The following AP5M1 variants were observed in gnomAD, a reference collection of about 807,000 sequenced individuals.
AP5M1 encodes adaptor related protein complex 5 subunit mu 1, also known as AP-5 complex subunit mu-1.
A neutral mutation model predicts 52.3 loss-of-function variants in AP5M1; 44 were observed. That is an observed-to-expected ratio of 0.84 (90% confidence interval 0.66 to 1.08). The LOEUF (loss-of-function observed/expected upper bound fraction) is 1.08, where lower values mean the gene tolerates loss of function less well. Ranked by LOEUF, AP5M1 falls within the 50% of genes least tolerant of loss-of-function variation. AP5M1 has a pLI of 0.00. For missense variants in AP5M1, 526 were observed against 568.4 expected (o/e 0.93, Z 0.76); for synonymous variants, 213 against 199.0 (o/e 1.07, Z -0.59).
At chr14:57,281,145 A>G (rs1049227581) in intron 3 of AP5M1, among the ~76,000 whole-genome samples, 1 of 152,064 alleles carries the variant, frequency 6.6e-6, no homozygotes, top group Non-Finnish European at 1.5e-5. Flanking sequence ...CTTTACATGT[A>G]TTTTCTCTAG....
Position 57,269,108 on chromosome 14 carries a change from T to G in AP5M1, c.-207T>G, listed in dbSNP as rs1242067983. 5.1e-6 allele frequency: 3 copies of G among 587,508 alleles called. No individual in the cohort carries two copies. The Admixed American group carries it at 9.9e-5, about 19-fold the overall frequency. 36.4% of individuals were successfully genotyped at this position (587,508 alleles called of 1,614,324 possible). On this transcript the variant is annotated 5_prime_UTR_variant, in exon 1 of 8. Transcript: ENST00000261558. ...GGTTATAGGTTGGGGTTCTTAGAAC[T>G]TTTTGTGGTGTGTGTTGGCCTAGAG...
intron 2 of AP5M1, among the ~76,000 whole-genome samples, chr14:57,275,766 T>C (rs761484371): frequency 4.0e-4 from 61 of 152,338 alleles, no homozygotes; most frequent in Non-Finnish European, 2.9e-4. Flanking sequence ...TAGGTTAATA[T>C]TGGGTTCTCT....
At chr14:57,275,955 C>CT (rs1885024901) in intron 2 of AP5M1, among the ~76,000 whole-genome samples, 1 of 152,046 alleles carries the variant, frequency 6.6e-6, no homozygotes, top group Non-Finnish European at 1.5e-5. Flanking sequence ...GTTACGTATA[C>CT]TTTTTATATG....
intron 6 of AP5M1, among the ~76,000 whole-genome samples, chr14:57,284,242 A>G (rs1265119889): frequency 2.0e-5 from 3 of 152,224 alleles, no homozygotes; most frequent in Non-Finnish European, 4.4e-5. Flanking sequence ...AAATTACTTA[A>G]AAGAGTAAAG....
Position 57,286,255 on chromosome 14 carries a change from TG to T in AP5M1, c.1328del (p.Gly443AspfsTer19). 1.2e-6 allele frequency: 2 copies of T among 1,612,712 alleles called. No individual in the cohort carries two copies. Among genetic ancestry groups the T allele is most frequent in the Non-Finnish European group, 1.7e-6 (2 of 1,178,988 alleles). Reference sequence around the variant, plus strand: ...TTAGGATCTTAGATTACACACTTACTGGATGTTATGCAGATCAGCATTCAGT... The same window carrying T: ...TTAGGATCTTAGATTACACACTTACTGATGTTATGCAGATCAGCATTCAGT... ...HFRILDYTLT[G>X]CYADQHSVQV... On this transcript the variant is annotated frameshift_variant, in exon 7 of 8. Coordinates refer to ENST00000261558, the MANE Select transcript of AP5M1 (RefSeq NM_018229.4). LOFTEE classifies it high-confidence loss of function.
rs1463095386 is a variant in AP5M1 at position 57,280,117 on chromosome 14, CTTTGAT to C, written c.721-77_721-72del. On this transcript the variant is annotated intron_variant, in intron 2 of 7. Coordinates refer to ENST00000261558, the MANE Select transcript of AP5M1 (RefSeq NM_018229.4). ...AAAGTGAGTTAATTGGGGAAAATGA[CTTTGAT>C]AAATTTTGAAAAGCCTCAAACAGAC... 1.8e-5 allele frequency: 19 copies of C among 1,039,386 alleles called. No homozygotes were observed. The Admixed American group carries it at 2.6e-4, about 14-fold the overall frequency. The allele number at this position is 1,039,386 out of a possible 1,614,324, so 64.4% of individuals were successfully genotyped here.
chr14:57,278,533 T>G (rs912704122), intron 2 of AP5M1: 1 of 152,200 alleles, frequency 6.6e-6, no homozygotes, highest in African/African-American at 2.4e-5. Context: ...TGTGAATCTC[T>G]CATGAGTACC....
rs1885416938 is a variant in AP5M1 at position 57,290,679 on chromosome 14, G to A, written c.*1795G>A. On this transcript the variant is annotated 3_prime_UTR_variant, in exon 8 of 8. Transcript: ENST00000261558. The stretch of plus-strand genomic sequence containing the variant: ...GGGTGTCCTGGAAAAGTGATGAGGT[G>A]TTGGGGAACCTGATGCCATCTGTTG... The A allele has an allele frequency of 6.6e-6, 1 of 151,926 alleles. No individual in the cohort carries two copies. Among genetic ancestry groups the A allele is most frequent in the African/African-American group, 2.4e-5 (1 of 41,414 alleles). 9.4% of individuals were successfully genotyped at this position (151,926 alleles called of 1,614,324 possible). A position where few individuals can be genotyped will look rare whatever the true frequency, so the allele number is the denominator to read the frequency against.
chr14:57,280,829 C>T (rs543951728), intron 3 of AP5M1, among the ~76,000 whole-genome samples: 54 of 149,582 alleles, frequency 3.6e-4, no homozygotes, highest in African/African-American at 1.2e-3. Context: ...CCAGCCTGGG[C>T]GACAGAGTGA....
rs1594714722 is a variant in AP5M1, at chr14:57,297,108, C to A, written c.*8224C>A. 2 of 152,042 alleles carry A rather than the reference C, an allele frequency of 1.3e-5. No individual in the cohort carries two copies. The highest frequency in any genetic ancestry group is 4.8e-5 in the African/African-American group (2 of 41,494). The allele number at this position is 152,042 out of a possible 1,614,324, so 9.4% of individuals were successfully genotyped here. The stretch of plus-strand genomic sequence containing the variant: ...AAATAAAGATTATAGTAAGTATATT[C>A]ATGAGAGAGAATTTTTTTTGCCTCC... On this transcript the variant is annotated 3_prime_UTR_variant, in exon 8 of 8. Coordinates refer to ENST00000261558, the MANE Select transcript of AP5M1 (RefSeq NM_018229.4).
At position 57,291,220 on chromosome 14, in the gene AP5M1, G is replaced by C. The variant is rs572223210; in HGVS notation, c.*2336G>C. ...TTAACTTGAAAGATGCTTTGCGTTT[G>C]CAGTGAATATGAGCAACTACTTCCA... On this transcript the variant is annotated 3_prime_UTR_variant, in exon 8 of 8. Coordinates refer to ENST00000261558, the MANE Select transcript of AP5M1 (RefSeq NM_018229.4). The C allele has an allele frequency of 6.6e-6, 1 of 151,918 alleles. No individual in the cohort carries two copies. Among genetic ancestry groups the C allele is most frequent in the South Asian group, 2.1e-4 (1 of 4,830 alleles). 9.4% of individuals were successfully genotyped at this position (151,918 alleles called of 1,614,324 possible).
intron 6 of AP5M1, among the ~76,000 whole-genome samples, chr14:57,284,889 C>T (rs561440925): frequency 6.9e-4 from 104 of 151,552 alleles, no homozygotes; most frequent in African/African-American, 2.4e-3. Context: ...CTGGCAATAG[C>T]AATATAGCCC....
At position 57,277,500 on chromosome 14, in the gene AP5M1, T is replaced by C. The variant is rs376186252; in HGVS notation, c.720+2611T>C. ...AGAAAATAGCAGATGGTTTAAAAGT[T>C]GAAACCCTAAAATTTTTTTTAAGTT... On this transcript the variant is annotated intron_variant, in intron 2 of 7. Transcript: ENST00000261558. Among the ~76,000 whole-genome samples, 25 of 152,300 alleles carry C rather than the reference T, an allele frequency of 1.6e-4. No homozygotes were observed. In the East Asian group the frequency reaches 4.8e-3, roughly 29 times the overall value.
At chr14:57,285,098 A>T (rs746836339) in intron 6 of AP5M1, among the ~76,000 whole-genome samples, 25 of 152,202 alleles carry the variant, frequency 1.6e-4, no homozygotes, top group Admixed American at 2.0e-4. Flanking sequence ...TTAGAAAGGT[A>T]GCAAGAAAAC....
In AP5M1 at chr14:57,297,161, T is replaced by C. The variant is rs963133764; in HGVS notation, c.*8277T>C. Reference sequence around the variant, plus strand: ...ATGTTTGGGGTTTGGATATGTAGGGTAAATATAAATGTCTAATGAAAGTAA... The same window carrying C: ...ATGTTTGGGGTTTGGATATGTAGGGCAAATATAAATGTCTAATGAAAGTAA... On this transcript the variant is annotated 3_prime_UTR_variant, in exon 8 of 8. Coordinates refer to ENST00000261558, the MANE Select transcript of AP5M1 (RefSeq NM_018229.4). The C allele has an allele frequency of 6.6e-6, 1 of 152,070 alleles. No homozygotes were observed. Among genetic ancestry groups the C allele is most frequent in the African/African-American group, 2.4e-5 (1 of 41,426 alleles). 9.4% of individuals were successfully genotyped at this position (152,070 alleles called of 1,614,324 possible). A position where few individuals can be genotyped will look rare whatever the true frequency, so the allele number is the denominator to read the frequency against.
intron 2 of AP5M1, among the ~76,000 whole-genome samples, chr14:57,277,359 A>G (rs887485329): frequency 2.0e-5 from 3 of 152,178 alleles, no homozygotes; most frequent in African/African-American, 7.2e-5. Context: ...TGCTAAGTAT[A>G]AACTGAATAT....
chr14:57,275,256 G>C (rs1884998629), intron 2 of AP5M1: 2 of 305,170 alleles, frequency 6.6e-6, no homozygotes, highest in Non-Finnish European at 1.2e-5. Context: ...CTGCTTGCAA[G>C]ATGACTCACT....
In AP5M1 at chr14:57,276,476, T is replaced by C. The variant is rs560141671; in HGVS notation, c.720+1587T>C. On this transcript the variant is annotated intron_variant, in intron 2 of 7. Coordinates refer to ENST00000261558, the MANE Select transcript of AP5M1 (RefSeq NM_018229.4). ...CTGTAATCCCAGCTATTCAGGAGGCTGAGGCATGAGACTCGCTTGAACTGG... is the reference window on the plus strand; with the variant it reads ...CTGTAATCCCAGCTATTCAGGAGGCCGAGGCATGAGACTCGCTTGAACTGG... Among the ~76,000 whole-genome samples the C allele has an allele frequency of 1.2e-3, 186 of 152,194 alleles. 1 individual carries two copies. The highest frequency in any genetic ancestry group is 4.3e-3 in the African/African-American group (180 of 41,518).
intron 2 of AP5M1, among the ~76,000 whole-genome samples, chr14:57,277,847 A>G (rs1885078461): frequency 1.3e-5 from 2 of 152,032 alleles, no homozygotes; most frequent in Admixed American, 1.3e-4. Flanking sequence ...AGAGATACTA[A>G]GAAAAATGTA....
Sources: allele counts gnomAD v4.1 joint callset (sites outside exome capture counted in the v4.1 genomes callset), GRCh38; gene constraint gnomAD v4.1.1; transcripts MANE v1.5; gene names NCBI Gene and HGNC (gene_info 2026-07-23, HGNC 2026-07-21).